Variants in ENOX2 observed in about 807,000 individuals in gnomAD.
The protein encoded by ENOX2 is APK1 antigen.
In ENOX2, 36 loss-of-function variants were observed where a neutral mutation model predicts 45.0. The observed-to-expected ratio is 0.80, with a 90% CI of 0.61 to 1.06. The LOEUF (loss-of-function observed/expected upper bound fraction) is 1.06, where lower values mean the gene tolerates loss of function less well. Ranked by LOEUF, ENOX2 falls within the 50% of genes least tolerant of loss-of-function variation. The pLI is 0.00. For missense variants in ENOX2, 423 were observed against 462.5 expected (o/e 0.91, Z 0.78); for synonymous variants, 174 against 152.3 (o/e 1.14, Z -1.05).
chrX:130,667,502 T>C, intron 8 of ENOX2, 28 bp downstream of exon 8: 4 of 1,172,052 alleles, frequency 3.4e-6, no homozygotes, highest in African/African-American at 3.5e-5. Flanking sequence ...CTTATTCTCA[T>C]TCCAGCAGAA....
intron 3 of ENOX2, among the ~76,000 whole-genome samples, chrX:130,740,110 G>A (rs989924431): frequency 6.2e-5 from 7 of 112,281 alleles, no homozygotes; most frequent in Non-Finnish European, 9.4e-5. Context: ...ACCTCACAAA[G>A]ATTCATAAGT....
chrX:130,780,367 T>C (rs1475323210), intron 3 of ENOX2, among the ~76,000 whole-genome samples: 1 of 111,926 alleles, frequency 8.9e-6, no homozygotes, highest in African/African-American at 3.2e-5. Flanking sequence ...AACTTCAGCA[T>C]AGTAGTTAGA....
In ENOX2 at chrX:130,903,052, C is replaced by T. The variant is rs1792669516; in HGVS notation, c.-234G>A. On this transcript the variant is annotated 5_prime_UTR_variant, in exon 1 of 15. Transcript: ENST00000394363. The stretch of plus-strand genomic sequence containing the variant: ...CGGGGCTTTCTGCCTCTCTGACCTC[C>T]AGCTCCCCGGCTACCGAAGCGCTAG... 8.9e-6 allele frequency: 1 copy of T among 112,076 alleles called. No individual in the cohort carries two copies. Among genetic ancestry groups the T allele is most frequent in the Non-Finnish European group, 1.9e-5 (1 of 53,127 alleles). The allele number at this position is 112,076 out of a possible 1,213,427, so 9.2% of individuals were successfully genotyped here. A position where few individuals can be genotyped will look rare whatever the true frequency, so the allele number is the denominator to read the frequency against.
At chrX:130,809,781 G>A (rs768497307) in intron 2 of ENOX2, among the ~76,000 whole-genome samples, 5 of 110,463 alleles carry the variant, frequency 4.5e-5, no homozygotes, top group African/African-American at 6.6e-5. Context: ...GTGCGTGTGT[G>A]TATCTGCAGA....
chrX:130,686,162 G>A (rs185495398), intron 5 of ENOX2, among the ~76,000 whole-genome samples: 167 of 111,001 alleles, frequency 1.5e-3, no homozygotes, highest in African/African-American at 5.3e-3. Flanking sequence ...GTTCGGCCCT[G>A]TGTTCCTGCC....
At chrX:130,825,922 G>A (rs771749422) in intron 2 of ENOX2, among the ~76,000 whole-genome samples, 1 of 110,847 alleles carries the variant, frequency 9.0e-6, no homozygotes, top group South Asian at 3.8e-4. Flanking sequence ...TGTTATAGTT[G>A]TTCTATTTTA....
chrX:130,865,687 G>A (rs2078483636), intron 2 of ENOX2, among the ~76,000 whole-genome samples: 1 of 111,598 alleles, frequency 9.0e-6, no homozygotes, highest in Non-Finnish European at 1.9e-5. Context: ...CAGAGCTTAC[G>A]TTATACATTA....
intron 2 of ENOX2, among the ~76,000 whole-genome samples, chrX:130,886,278 C>T (rs2078900540): frequency 8.9e-6 from 1 of 112,734 alleles, no homozygotes; most frequent in Non-Finnish European, 1.9e-5. Context: ...GATCTTTTAG[C>T]TGTTAAGCGT....
intron 2 of ENOX2, among the ~76,000 whole-genome samples, chrX:130,803,995 CAT>C (rs1293825467): frequency 9.0e-6 from 1 of 111,334 alleles, no homozygotes; most frequent in African/African-American, 3.3e-5. Context: ...CATTTTGGCC[CAT>C]AGTTTCTGCC....
At chrX:130,873,440 C>T (rs1350666276) in intron 2 of ENOX2, among the ~76,000 whole-genome samples, 5 of 111,670 alleles carry the variant, frequency 4.5e-5, no homozygotes, top group Admixed American at 9.4e-5. Context: ...TTTTACACTG[C>T]TGGTGGGAGT....
intron 3 of ENOX2, among the ~76,000 whole-genome samples, chrX:130,777,718 T>C (rs775540233): frequency 1.9e-4 from 21 of 111,814 alleles, no homozygotes; most frequent in Non-Finnish European, 4.0e-4. Context: ...TCCATTTTTC[T>C]ATCCTGCCTC....
intron 12 of ENOX2, among the ~76,000 whole-genome samples, chrX:130,632,883 T>C (rs1456400052): frequency 1.8e-5 from 2 of 112,238 alleles, no homozygotes; most frequent in Non-Finnish European, 3.8e-5. Flanking sequence ...ACTAGCTCAC[T>C]TCTAAGCCAT....
At chrX:130,895,633 C>A (rs2079050261) in intron 2 of ENOX2, among the ~76,000 whole-genome samples, 1 of 112,288 alleles carries the variant, frequency 8.9e-6, no homozygotes, top group African/African-American at 3.2e-5. Flanking sequence ...CTCTTTGATT[C>A]TTCTACTCAC....
chrX:130,683,452 A>T (rs1337378825), intron 5 of ENOX2, among the ~76,000 whole-genome samples: 1 of 112,178 alleles, frequency 8.9e-6, no homozygotes, highest in Non-Finnish European at 1.9e-5. Flanking sequence ...TCTTTATAGC[A>T]TTCAGCCCTG....
intron 3 of ENOX2, among the ~76,000 whole-genome samples, chrX:130,756,021 C>T (rs931595469): frequency 9.0e-5 from 10 of 111,497 alleles, no homozygotes; most frequent in African/African-American, 3.3e-4. Context: ...AGTTGTCAGA[C>T]CTATGTTACA....
intron 2 of ENOX2, among the ~76,000 whole-genome samples, chrX:130,817,554 A>G (rs2077512060): frequency 8.9e-6 from 1 of 112,164 alleles, no homozygotes; most frequent in Non-Finnish European, 1.9e-5. Context: ...GCAGCACATC[A>G]AAAAGCTTAC....
intron 8 of ENOX2, among the ~76,000 whole-genome samples, chrX:130,666,341 G>A (rs1286676121): frequency 1.8e-5 from 2 of 111,975 alleles, no homozygotes; most frequent in Non-Finnish European, 3.8e-5. Flanking sequence ...AAGTTTTAGG[G>A]AAGGATGCTG....
intron 2 of ENOX2, among the ~76,000 whole-genome samples, chrX:130,883,243 T>C (rs972381296): frequency 9.0e-6 from 1 of 111,363 alleles, no homozygotes; most frequent in African/African-American, 3.3e-5. Context: ...CCCACGTAGC[T>C]GAGATTACAG....
At chrX:130,635,459 C>G (rs2035908189) in intron 11 of ENOX2, among the ~76,000 whole-genome samples, 1 of 111,899 alleles carries the variant, frequency 8.9e-6, no homozygotes, top group Admixed American at 9.5e-5. Context: ...TTGCAAATAG[C>G]CATTTGCCAA....
Sources: allele counts gnomAD v4.1 joint callset (sites outside exome capture counted in the v4.1 genomes callset), GRCh38; gene constraint gnomAD v4.1.1; transcripts MANE v1.5; gene names NCBI Gene and HGNC (gene_info 2026-07-23, HGNC 2026-07-21).